EPHA5: variants seen among roughly 807,000 people sequenced by gnomAD.
EPHA5 encodes ephrin type-A receptor 5.
Under a neutral mutation model 105.0 loss-of-function variants are expected in EPHA5, and 60 were observed. That is an observed-to-expected ratio of 0.57 (90% CI 0.46 to 0.71). The LOEUF (loss-of-function observed/expected upper bound fraction) is 0.71, where lower values mean the gene tolerates loss of function less well. Ranked by LOEUF, EPHA5 falls within the 30% of genes least tolerant of loss-of-function variation. The pLI is 0.00. For synonymous variants in EPHA5, 513 were observed against 449.1 expected, an observed-to-expected ratio of 1.14 and a Z score of -1.80; for missense variants, 1,218 against 1,274.7, an observed-to-expected ratio of 0.96 and a Z score of 0.68.
At chr4:65,636,158 G>T (rs781218024) in intron 2 of EPHA5, among the ~76,000 whole-genome samples, 4 of 152,080 alleles carry the variant, frequency 2.6e-5, no homozygotes, top group Non-Finnish European at 4.4e-5. Flanking sequence ...TTCAGGTTTG[G>T]AATTTGCTAA....
chr4:65,372,176 A>G (rs1284987427), intron 8 of EPHA5, among the ~76,000 whole-genome samples: 3 of 151,998 alleles, frequency 2.0e-5, no homozygotes, highest in Non-Finnish European at 4.4e-5. Context: ...AGAATTTTAT[A>G]TACTGCTGGA....
At chr4:65,345,753 A>G (rs547641868) in intron 14 of EPHA5, among the ~76,000 whole-genome samples, 118 of 151,654 alleles carry the variant, frequency 7.8e-4, no homozygotes, top group Non-Finnish European at 1.3e-3. Flanking sequence ...GAAAGCAATC[A>G]TGCCTCTTCT....
chr4:65,397,771 C>A (rs190735005), intron 8 of EPHA5, among the ~76,000 whole-genome samples: 10 of 152,208 alleles, frequency 6.6e-5, no homozygotes, highest in Admixed American at 6.5e-4. Context: ...TTACCAGGGA[C>A]CCTTAGATAG....
chr4:65,574,872 T>C (rs181011306), intron 3 of EPHA5, among the ~76,000 whole-genome samples: 1 of 151,158 alleles, frequency 6.6e-6, no homozygotes, highest in East Asian at 1.9e-4. Context: ...CAACTTCAAA[T>C]GGGCTCTCTG....
At chr4:65,391,403 C>G (rs1720705375) in intron 8 of EPHA5, among the ~76,000 whole-genome samples, 1 of 152,036 alleles carries the variant, frequency 6.6e-6, no homozygotes, top group Non-Finnish European at 1.5e-5. Context: ...TTTCCTGGTT[C>G]ATGTAAGACC....
chr4:65,489,040 C>A (rs1401428340), intron 5 of EPHA5, among the ~76,000 whole-genome samples: 2 of 151,692 alleles, frequency 1.3e-5, no homozygotes, highest in Non-Finnish European at 1.5e-5. Context: ...CACCCACCAC[C>A]ATGCCCGGCT....
intron 3 of EPHA5, among the ~76,000 whole-genome samples, chr4:65,592,799 C>T (rs1742798225): frequency 6.6e-6 from 1 of 152,106 alleles, no homozygotes; most frequent in African/African-American, 2.4e-5. Flanking sequence ...AGCACCATAC[C>T]ATGATGTCAG....
At chr4:65,491,068 C>T (rs1731354503) in intron 4 of EPHA5, among the ~76,000 whole-genome samples, 1 of 151,764 alleles carries the variant, frequency 6.6e-6, no homozygotes, top group Admixed American at 6.6e-5. Flanking sequence ...TGAATGTTTC[C>T]TCATTGGTGC....
chr4:65,365,952 A>G lies in EPHA5; in HGVS notation c.1967T>C (p.Ile656Thr). ...AKEIEASCIT[I>T]ERVIGAGEFG... ...CGTACCTGCTCCAATAACTCTCTCAATGGTGATACATGATGCTTCTATCTC... is the reference window on the plus strand; with the variant it reads ...CGTACCTGCTCCAATAACTCTCTCAGTGGTGATACATGATGCTTCTATCTC... The change falls in exon 10 of 17, where the codon ATT (isoleucine) becomes ACT (threonine). Residue 656 changes from isoleucine (I) to threonine (T), a missense_variant. Transcript: ENST00000613740. 1.2e-6 allele frequency: 2 copies of G among 1,608,148 alleles called. No homozygotes were observed. The highest frequency in any genetic ancestry group is 1.7e-6 in the Non-Finnish European group (2 of 1,175,850).
chr4:65,652,972 A>G (rs1748742696), intron 1 of EPHA5, among the ~76,000 whole-genome samples: 1 of 152,088 alleles, frequency 6.6e-6, no homozygotes, highest in South Asian at 2.1e-4. Flanking sequence ...ATTTGTCCTA[A>G]ACAGGCAAAA....
rs948889705 is a variant in EPHA5 at position 65,527,476 on chromosome 4, T to G, written c.911-31933A>C. On this transcript the variant is annotated intron_variant, in intron 3 of 16. Transcript: ENST00000613740. ...AAAAGTCATAACTTCAGGATAATGT[T>G]TACGTTTGGAAAGGTTTATGACAGA... 2.0e-5 allele frequency among the ~76,000 whole-genome samples: 3 copies of G among 152,026 alleles called. No individual in the cohort carries two copies. The South Asian group carries it at 6.2e-4, about 31-fold the overall frequency.
At chr4:65,404,590 A>T (rs1440749205) in intron 7 of EPHA5, 111 bp from the exon 8 acceptor site, 11 of 809,560 alleles carry the variant, frequency 1.4e-5, no homozygotes, top group Non-Finnish European at 2.2e-5. Flanking sequence ...ATTTACCCAC[A>T]CTTAGCTGAA....
At chr4:65,666,572 G>A (rs1749983645) in intron 1 of EPHA5, among the ~76,000 whole-genome samples, 1 of 152,126 alleles carries the variant, frequency 6.6e-6, no homozygotes, top group Non-Finnish European at 1.5e-5. Context: ...TGTCCTGCTT[G>A]ATCAGAGACA....
At chr4:65,644,454 G>A (rs1276827539) in intron 1 of EPHA5, among the ~76,000 whole-genome samples, 2 of 152,014 alleles carry the variant, frequency 1.3e-5, no homozygotes, top group Non-Finnish European at 2.9e-5. Flanking sequence ...AAACACGTGA[G>A]TTATTCCTAT....
rs761519282 is a variant in EPHA5, at chr4:65,606,821, G to A, written c.247-4517C>T. Among the ~76,000 whole-genome samples the A allele has an allele frequency of 3.3e-5, 5 of 152,006 alleles. No homozygotes were observed. The South Asian group carries it at 6.2e-4, about 19-fold the overall frequency. ...TCATATTTCAGTCAAATAATATTAC[G>A]ACCATCTTAGGGATTTCCTTTGCAG... is the stretch of plus-strand genomic sequence containing the variant. On this transcript the variant is annotated intron_variant, in intron 2 of 16. Transcript: ENST00000613740.
At chr4:65,637,338 A>G (rs561174538) in intron 2 of EPHA5, among the ~76,000 whole-genome samples, 2 of 151,400 alleles carry the variant, frequency 1.3e-5, no homozygotes, top group South Asian at 2.1e-4. Context: ...CAGATTGGTA[A>G]CTTAAATGAA....
intron 2 of EPHA5, among the ~76,000 whole-genome samples, chr4:65,633,824 A>G (rs1018547745): frequency 2.6e-5 from 4 of 152,036 alleles, no homozygotes; most frequent in African/African-American, 9.7e-5. Flanking sequence ...CTTTGTTCAC[A>G]TGTTTGCTTC....
At chr4:65,421,495 AATT>A (rs1198728122) in intron 5 of EPHA5, among the ~76,000 whole-genome samples, 2 of 152,126 alleles carry the variant, frequency 1.3e-5, no homozygotes, top group Admixed American at 6.6e-5. Context: ...TATCTGTATG[AATT>A]ATTTTGAATC....
chr4:65,538,068 G>C (rs1736462418), intron 3 of EPHA5, among the ~76,000 whole-genome samples: 1 of 151,670 alleles, frequency 6.6e-6, no homozygotes, highest in Non-Finnish European at 1.5e-5. Context: ...TTGTCAGAAG[G>C]ACCTGACTTG....
Sources: allele counts gnomAD v4.1 joint callset (sites outside exome capture counted in the v4.1 genomes callset), GRCh38; gene constraint gnomAD v4.1.1; transcripts MANE v1.5; gene names NCBI Gene and HGNC (gene_info 2026-07-23, HGNC 2026-07-21).